Variants in CSMD1 observed in about 807,000 individuals in gnomAD.
The protein encoded by CSMD1 is CUB and Sushi multiple domains 1.
In CSMD1, 213 loss-of-function variants were observed where a neutral mutation model predicts 417.5. The observed-to-expected ratio is 0.51, with a 90% CI of 0.46 to 0.57. CSMD1 has a LOEUF of 0.57. Ranked by LOEUF, CSMD1 falls within the 20% of genes least tolerant of loss-of-function variation. The pLI, the probability that CSMD1 is intolerant of heterozygous loss-of-function variation, is 0.00. For synonymous variants in CSMD1, 2,862 were observed against 1,736.8 expected, an observed-to-expected ratio of 1.65 and a Z score of -16.11; for missense variants, 6,923 against 4,529.7, an observed-to-expected ratio of 1.53 and a Z score of -15.17.
chr8:4,220,038 C>G (rs1005554438), intron 3 of CSMD1, among the ~76,000 whole-genome samples: 1 of 152,120 alleles, frequency 6.6e-6, no homozygotes. Flanking sequence ...CAACCTCTGC[C>G]TCTCAGGTTT....
intron 37 of CSMD1, among the ~76,000 whole-genome samples, chr8:3,177,390 C>G (rs1465815238): frequency 1.3e-5 from 2 of 152,202 alleles, no homozygotes; most frequent in East Asian, 3.9e-4. Context: ...ATGCATGTCC[C>G]TGAAGCTTTG....
intron 12 of CSMD1, among the ~76,000 whole-genome samples, chr8:3,459,764 G>A (rs776203648): frequency 2.0e-5 from 3 of 152,044 alleles, no homozygotes; most frequent in Admixed American, 6.6e-5. Flanking sequence ...CACATGAACA[G>A]ATTTGGGTCC....
chr8:4,473,764 G>C (rs1214172630), intron 2 of CSMD1, among the ~76,000 whole-genome samples: 2 of 152,084 alleles, frequency 1.3e-5, no homozygotes, highest in African/African-American at 4.8e-5. Context: ...CAACCAAATG[G>C]CTTTGGGTTT....
chr8:3,811,643 T>C (rs529167835), intron 5 of CSMD1, among the ~76,000 whole-genome samples: 1 of 152,230 alleles, frequency 6.6e-6, no homozygotes, highest in Admixed American at 6.5e-5. Flanking sequence ...AGTCAGGCCA[T>C]TCCTTGCCAC....
chr8:4,932,139 C>G (rs796542349), intron 1 of CSMD1, among the ~76,000 whole-genome samples: 2 of 151,394 alleles, frequency 1.3e-5, no homozygotes, highest in Non-Finnish European at 3.0e-5. Flanking sequence ...ATTTCTGTTG[C>G]TTCTAGATAA....
At chr8:4,513,467 A>T (rs1222424759) in intron 2 of CSMD1, among the ~76,000 whole-genome samples, 3 of 152,202 alleles carry the variant, frequency 2.0e-5, no homozygotes, top group Non-Finnish European at 4.4e-5. Context: ...CAATTCTTTC[A>T]TACCCACAAC....
In CSMD1 at chr8:4,246,256, ACAT is replaced by A. The variant is rs369690814; in HGVS notation, c.415+173694_415+173696del. On this transcript the variant is annotated intron_variant, in intron 3 of 69. Coordinates refer to ENST00000635120, the MANE Select transcript of CSMD1 (RefSeq NM_033225.6). ...CTCTCATCATTTAGATCTTACTTAT[ACAT>A]GATAACTTGTGCTATTTGGTTTTCT... Among the ~76,000 whole-genome samples, 52 of 152,232 alleles carry A rather than the reference ACAT, an allele frequency of 3.4e-4. 1 individual carries two copies. In the East Asian group the frequency reaches 9.9e-3, roughly 29 times the overall value.
intron 1 of CSMD1, among the ~76,000 whole-genome samples, chr8:4,942,727 A>G (rs1030880206): frequency 3.3e-5 from 5 of 152,204 alleles, no homozygotes; most frequent in African/African-American, 1.2e-4. Flanking sequence ...GGAGAATCCA[A>G]TACCGACCTT....
intron 7 of CSMD1, among the ~76,000 whole-genome samples, chr8:3,699,744 T>C (rs370048999): frequency 1.1e-3 from 161 of 152,348 alleles, no homozygotes; most frequent in Middle Eastern, 3.4e-3. Context: ...TGACAGCTTC[T>C]GGATGCTCCG....
At chr8:4,070,853 G>C (rs1445760240) in intron 3 of CSMD1, among the ~76,000 whole-genome samples, 5 of 152,176 alleles carry the variant, frequency 3.3e-5, no homozygotes, top group African/African-American at 4.8e-5. Context: ...TGATATAAAT[G>C]TCTAGGTTGA....
At chr8:4,168,067 T>G (rs1301070234) in intron 3 of CSMD1, among the ~76,000 whole-genome samples, 2 of 151,200 alleles carry the variant, frequency 1.3e-5, no homozygotes, top group Non-Finnish European at 2.9e-5. Context: ...AGGCAGAAGT[T>G]GTAGGGAGCT....
At chr8:3,299,924 T>C (rs1804260581) in intron 25 of CSMD1, among the ~76,000 whole-genome samples, 1 of 152,222 alleles carries the variant, frequency 6.6e-6, no homozygotes, top group Admixed American at 6.5e-5. Flanking sequence ...AGAGGCAATT[T>C]GGTAATGGCT....
chr8:3,157,264 C>G (rs1819594674), intron 39 of CSMD1, among the ~76,000 whole-genome samples: 1 of 152,116 alleles, frequency 6.6e-6, no homozygotes. Context: ...CTGACATCAC[C>G]AACCTTTGTA....
chr8:4,769,172 A>G (rs74987287), intron 1 of CSMD1, among the ~76,000 whole-genome samples: 1,588 of 152,308 alleles, frequency 0.01, 10 homozygotes, highest in East Asian at 0.051. Context: ...TAGCTTTGTA[A>G]GATGTGGCTA....
intron 1 of CSMD1, among the ~76,000 whole-genome samples, chr8:4,704,388 T>C (rs1807784729): frequency 1.3e-5 from 2 of 152,244 alleles, no homozygotes; most frequent in South Asian, 4.1e-4. Flanking sequence ...AGAATCTCAG[T>C]TGTTTATTTA....
In CSMD1 at chr8:3,609,730, T is replaced by C. The variant is rs1203111162; in HGVS notation, c.1097+6980A>G. Among the ~76,000 whole-genome samples the C allele has an allele frequency of 5.4e-5, 4 of 74,690 alleles. No individual in the cohort carries two copies. The East Asian group carries it at 1.1e-3, about 20-fold the overall frequency. The allele number at this position is 74,690 out of a possible 152,430, so 49.0% of individuals were successfully genotyped here. ...ACATGTTAGTCATTAGTTTTGATTA[T>C]AAGAATTTAAAAAAAAAAAAACCGA... On this transcript the variant is annotated intron_variant, in intron 8 of 69. Transcript: ENST00000635120.
intron 7 of CSMD1, among the ~76,000 whole-genome samples, chr8:3,675,195 A>C (rs1216192089): frequency 6.6e-6 from 1 of 151,808 alleles, no homozygotes; most frequent in Non-Finnish European, 1.5e-5. Flanking sequence ...TTTTCTCCTC[A>C]CAGAAGGCCT....
intron 3 of CSMD1, among the ~76,000 whole-genome samples, chr8:4,034,994 C>G (rs1369961949): frequency 1.3e-5 from 2 of 152,140 alleles, no homozygotes; most frequent in Non-Finnish European, 2.9e-5. Flanking sequence ...TACGTTTTTT[C>G]TGTTAAAAGG....
At chr8:3,274,285 C>A (rs545211729) in intron 26 of CSMD1, among the ~76,000 whole-genome samples, 17 of 152,178 alleles carry the variant, frequency 1.1e-4, no homozygotes, top group African/African-American at 3.9e-4. Flanking sequence ...GCACTGTGGT[C>A]TGAGAGACAG....
Sources: gnomAD v4.1 joint callset for allele counts (sites outside exome capture counted in the v4.1 genomes callset) on GRCh38, gnomAD v4.1.1 for gene constraint, MANE v1.5 for transcripts, NCBI Gene and HGNC (gene_info 2026-07-23, HGNC 2026-07-21) for gene names.